TEX14: variants seen among roughly 807,000 people sequenced by gnomAD.
TEX14 encodes the protein inactive serine/threonine-protein kinase TEX14.
Under a neutral mutation model 178.6 loss-of-function variants are expected in TEX14, and 168 were observed. The ratio of observed to expected loss-of-function variants is 0.94; its 90% CI spans 0.83 to 1.07. The LOEUF (loss-of-function observed/expected upper bound fraction) is 1.07. Among genes scored for constraint, TEX14 ranks in the 50% least tolerant of loss-of-function variants. The pLI, the probability that TEX14 is intolerant of heterozygous loss-of-function variation, is 0.00. For synonymous variants in TEX14, 626 were observed against 634.1 expected (o/e 0.99, Z 0.19); for missense variants, 1,730 against 1,753.6 (o/e 0.99, Z 0.24).
chr17:58,659,161 CA>C (rs1024468509), intron 1 of TEX14, among the ~76,000 whole-genome samples: 5 of 152,142 alleles, frequency 3.3e-5, no homozygotes, highest in African/African-American at 1.2e-4. Flanking sequence ...CAGAAAAGCG[CA>C]AAAGCAGTCC....
chr17:58,678,372 A>T (rs1378056549), intron 1 of TEX14, among the ~76,000 whole-genome samples: 1 of 152,198 alleles, frequency 6.6e-6, no homozygotes, highest in Non-Finnish European at 1.5e-5. Context: ...AGACACATGC[A>T]CGTGTATGCT....
chr17:58,627,348 T>C (rs974456875), intron 3 of TEX14, among the ~76,000 whole-genome samples: 11 of 152,172 alleles, frequency 7.2e-5, no homozygotes, highest in Admixed American at 1.3e-4. Context: ...TATTTTTTTA[T>C]ACAGGCTTTT....
At chr17:58,562,047 T>C (rs2044284033) in intron 28 of TEX14, among the ~76,000 whole-genome samples, 1 of 152,096 alleles carries the variant, frequency 6.6e-6, no homozygotes, top group South Asian at 2.1e-4. Flanking sequence ...ATCACGCGAC[T>C]GCACTCTAGC....
intron 2 of TEX14, chr17:58,631,773 C>CT (rs2046315572): frequency 6.6e-6 from 1 of 152,070 alleles, no homozygotes; most frequent in African/African-American, 2.4e-5. Context: ...TTCCAGCGTT[C>CT]TACACGTTCA....
chr17:58,690,445 C>G (rs1288588571), intron 1 of TEX14, among the ~76,000 whole-genome samples: 2 of 152,180 alleles, frequency 1.3e-5, no homozygotes, highest in Non-Finnish European at 2.9e-5. Flanking sequence ...GGATTCCAGG[C>G]TTAAGCCACT....
chr17:58,599,549 G>A lies in TEX14; in HGVS notation c.1796C>T (p.Pro599Leu). The A allele has an allele frequency of 6.2e-7, 1 of 1,614,042 alleles. No homozygotes were observed. Among genetic ancestry groups the A allele is most frequent in the Non-Finnish European group, 8.5e-7 (1 of 1,180,030 alleles). ...RETQNQDAPC[P>L]APFMAEEASS... is the part of the protein sequence containing the mutation. ...GGCCTCTTCTGCCATAAATGGAGCAGGGCAAGGAGCATCTTGATTCTGAGT... is the reference window on the plus strand; with the variant it reads ...GGCCTCTTCTGCCATAAATGGAGCAAGGCAAGGAGCATCTTGATTCTGAGT... The change falls in exon 14 of 32, where the codon CCT (proline) becomes CTT (leucine). Residue 599 changes from proline to leucine, a missense_variant. Pro to Leu is a moderately conservative substitution (Grantham distance 98). Transcript: ENST00000349033.
At chr17:58,606,865 T>C (rs1189836645) in intron 10 of TEX14, among the ~76,000 whole-genome samples, 1 of 151,448 alleles carries the variant, frequency 6.6e-6, no homozygotes, top group African/African-American at 2.4e-5. Context: ...CCATCTCTAC[T>C]AAAAACACAA....
At chr17:58,577,489 ATT>A (rs762398226) in intron 20 of TEX14, 33 bp from the exon 21 acceptor site, 16 of 751,846 alleles carry the variant, frequency 2.1e-5, no homozygotes, top group Admixed American at 7.6e-5. Context: ...ATATATATAT[ATT>A]TTTTTTTACT....
intron 24 of TEX14, 131 bp from the exon 25 acceptor site, chr17:58,570,615 CCTT>C (rs2032870412): frequency 2.1e-5 from 7 of 329,000 alleles, no homozygotes; most frequent in South Asian, 1.3e-4. Context: ...TGGGAAGCCT[CCTT>C]TTTTTTTTTT....
At chr17:58,691,037 TACAG>T (rs879497631) in intron 1 of TEX14, among the ~76,000 whole-genome samples, 2 of 152,024 alleles carry the variant, frequency 1.3e-5, no homozygotes, top group Admixed American at 6.6e-5. Context: ...GTACTTTTGG[TACAG>T]ACAGTGTTTC....
intron 10 of TEX14, among the ~76,000 whole-genome samples, chr17:58,610,527 C>T (rs1169717106): frequency 1.3e-5 from 2 of 152,224 alleles, no homozygotes; most frequent in Non-Finnish European, 2.9e-5. Context: ...ACAGGGAACA[C>T]TGTCCCTGCC....
chr17:58,579,701 C>A lies in TEX14; in HGVS notation c.3202G>T (p.Gly1068Ter). 6.2e-7 allele frequency: 1 copy of A among 1,613,980 alleles called. No homozygotes were observed. Among genetic ancestry groups the A allele is most frequent in the Non-Finnish European group, 8.5e-7 (1 of 1,179,942 alleles). The change falls in exon 20 of 32, where the codon GGA (glycine) becomes TGA (stop). Residue 1068 changes from glycine (G) to a stop codon, truncating the protein, a stop_gained. Coordinates refer to ENST00000349033, the MANE Select transcript of TEX14 (RefSeq NM_031272.5). LOFTEE classifies it high-confidence loss of function. ...GGTTGGGCAAATGCACCTTGTATTC[C>A]TTCAAAGTCCTCTTCTATGGGACTC... ...TSSPIEEDFE[G>*]IQGAFAQPQV...
At chr17:58,629,378 C>T (rs1057339813) in intron 3 of TEX14, among the ~76,000 whole-genome samples, 21 of 149,824 alleles carry the variant, frequency 1.4e-4, no homozygotes, top group African/African-American at 2.0e-4. Flanking sequence ...TGCTTGCAGC[C>T]GGGTGGCAGA....
intron 1 of TEX14, among the ~76,000 whole-genome samples, chr17:58,675,662 G>C (rs1173401108): frequency 5.3e-5 from 8 of 152,116 alleles, no homozygotes; most frequent in Non-Finnish European, 1.0e-4. Context: ...TTATGACAAG[G>C]ACTATGTTCC....
chr17:58,691,435 G>A (rs1162949725), intron 1 of TEX14, among the ~76,000 whole-genome samples: 2 of 151,794 alleles, frequency 1.3e-5, no homozygotes, highest in Admixed American at 1.3e-4. Flanking sequence ...TTGGGAGGCC[G>A]AGGCAGGCGG....
At chr17:58,604,119 A>G (rs1221502671) in intron 11 of TEX14, among the ~76,000 whole-genome samples, 1 of 151,884 alleles carries the variant, frequency 6.6e-6, no homozygotes, top group Non-Finnish European at 1.5e-5. Flanking sequence ...CCCCTAATTT[A>G]CAAGTTCTCA....
At chr17:58,596,138 G>T (rs2045273969) in intron 14 of TEX14, among the ~76,000 whole-genome samples, 1 of 151,710 alleles carries the variant, frequency 6.6e-6, no homozygotes, top group African/African-American at 2.4e-5. Flanking sequence ...AGCTGAGATG[G>T]TGCCACTGCA....
chr17:58,584,610 G>A lies in TEX14; in HGVS notation c.3071-10C>T, dbSNP rs1489133622. On this transcript the variant is annotated splice_polypyrimidine_tract_variant and intron_variant, in intron 18 of 31. Transcript: ENST00000349033. ...GATGGGTGCCTGATACCTAATGATT[G>A]TAACACAGTCAGGGTCAAAGTCATT... 6 of 1,600,462 alleles carry A rather than the reference G, an allele frequency of 3.7e-6. No individual in the cohort carries two copies. The East Asian group carries it at 1.1e-4, about 30-fold the overall frequency.
chr17:58,654,941 G>A (rs544959267), intron 1 of TEX14, among the ~76,000 whole-genome samples: 8 of 151,926 alleles, frequency 5.3e-5, no homozygotes, highest in East Asian at 1.9e-4. Flanking sequence ...GTGAGTCACC[G>A]CGCCTGGCCA....
Sources: gnomAD v4.1 joint callset for allele counts (sites outside exome capture counted in the v4.1 genomes callset) on GRCh38, gnomAD v4.1.1 for gene constraint, MANE v1.5 for transcripts, NCBI Gene and HGNC (gene_info 2026-07-23, HGNC 2026-07-21) for gene names.